NEBL: variants seen among roughly 807,000 people sequenced by gnomAD.
The protein encoded by NEBL is LIM and SH3 protein 2.
NEBL carries 122 observed loss-of-function variants against 140.2 expected under a neutral mutation model. That is an observed-to-expected ratio of 0.87 (90% CI 0.75 to 1.01). NEBL has a LOEUF of 1.01. NEBL is among the 50% of genes least tolerant of loss of function. The probability of loss-of-function intolerance (pLI) is 0.00; values close to 1 mark genes in which losing one functional copy is unlikely to be tolerated. For missense variants in NEBL, 1,365 were observed against 1,231.3 expected, an observed-to-expected ratio of 1.11 and a Z score of -1.62; for synonymous variants, 436 against 398.9, an observed-to-expected ratio of 1.09 and a Z score of -1.11.
intron 2 of NEBL, among the ~76,000 whole-genome samples, chr10:21,119,966 C>G (rs1838457536): frequency 6.6e-6 from 1 of 152,036 alleles, no homozygotes; most frequent in South Asian, 2.1e-4. Context: ...CTAATTGTTT[C>G]CTCATGATTC....
In NEBL at chr10:20,812,771, A is replaced by C; in HGVS notation, c.2516T>G (p.Val839Gly). The change falls in exon 24 of 28, where the codon GTT (valine) becomes GGT (glycine). Residue 839 changes from valine (V) to glycine (G), a missense_variant and splice_region_variant. Around this residue, in one of 2 missense-constraint regions of NEBL, gnomAD observed 1,323 missense variants for 1,154.8 expected, o/e 1.15. Coordinates refer to ENST00000377122, the MANE Select transcript of NEBL (RefSeq NM_006393.3). Reference protein sequence around the residue: ...VEMDRRPGIIVDLKVWRTDPG... With the variant: ...VEMDRRPGIIGDLKVWRTDPG... ...GCCGACAAACGCCGTCAGCTTACCA[A>C]CAATGATTCCAGGTCTCCTGTCCAT... 1 of 1,613,862 alleles carries C rather than the reference A, an allele frequency of 6.2e-7. No homozygotes were observed. Among genetic ancestry groups the C allele is most frequent in the Non-Finnish European group, 8.5e-7 (1 of 1,179,888 alleles).
At position 21,242,619 on chromosome 10, in the gene NEBL, A is replaced by T. The variant is rs186457924; in HGVS notation, n.348+5302T>A. On this transcript the variant is annotated intron_variant and non_coding_transcript_variant, in intron 3 of 8. Transcript: ENST00000675702. ...CTGAGCCTAAAATAAAAGTTTTTTT[A>T]AAAAAAAGAAACATCCTGCTGTACT... Among the ~76,000 whole-genome samples the T allele has an allele frequency of 4.8e-3, 727 of 152,150 alleles. 4 individuals carry two copies. Among genetic ancestry groups the T allele is most frequent in the African/African-American group, 0.014 (579 of 41,524 alleles).
chr10:21,040,386 C>A lies in NEBL; in HGVS notation c.165-20185G>T, dbSNP rs998279685. On this transcript the variant is annotated intron_variant, in intron 2 of 6. Coordinates refer to the NEBL transcript ENST00000417816. ...TTTATTTGGCTGACAGTTCTGCAAA[C>A]TGCACAGGGTGCATGGCACCAGCAT... Among the ~76,000 whole-genome samples the A allele has an allele frequency of 2.6e-5, 4 of 152,246 alleles. No homozygotes were observed. In the South Asian group the frequency reaches 8.3e-4, roughly 32 times the overall value.
chr10:21,143,005 G>A (rs189200062), intron 2 of NEBL, among the ~76,000 whole-genome samples: 78 of 152,300 alleles, frequency 5.1e-4, no homozygotes, highest in African/African-American at 1.9e-3. Flanking sequence ...TGGGGTGTGT[G>A]TGTGTGTGGG....
At chr10:21,106,262 A>G (rs542905851) in intron 2 of NEBL, among the ~76,000 whole-genome samples, 1 of 152,320 alleles carries the variant, frequency 6.6e-6, no homozygotes, top group South Asian at 2.1e-4. Context: ...GTCTTTGCCC[A>G]TGCCTATGTC....
chr10:21,258,612 G>A (rs901046262), intron 1 of NEBL, among the ~76,000 whole-genome samples: 21 of 152,194 alleles, frequency 1.4e-4, no homozygotes, highest in African/African-American at 5.1e-4. Flanking sequence ...GGCTGAGGCA[G>A]CAGAATCGCT....
chr10:20,828,779 G>C, intron 16 of NEBL, 145 bp from the exon 17 acceptor site: 1 of 633,590 alleles, frequency 1.6e-6, no homozygotes, highest in Admixed American at 2.3e-5. Flanking sequence ...GAGAGAGAGA[G>C]AGAGGTGGAG....
intron 1 of NEBL, among the ~76,000 whole-genome samples, chr10:21,264,696 TAAAA>T (rs71392177): frequency 0.012 from 365 of 30,518 alleles, no homozygotes; most frequent in Non-Finnish European, 0.013. Context: ...AGTTGCTATT[TAAAA>T]AAAAAAAAAA....
chr10:21,107,518 C>G (rs969576225), intron 2 of NEBL, among the ~76,000 whole-genome samples: 1 of 152,100 alleles, frequency 6.6e-6, no homozygotes, highest in African/African-American at 2.4e-5. Flanking sequence ...GGGATGAAGC[C>G]GACTTGATCA....
chr10:21,093,618 T>C (rs1466721369), intron 2 of NEBL, among the ~76,000 whole-genome samples: 3 of 152,202 alleles, frequency 2.0e-5, no homozygotes, highest in Non-Finnish European at 4.4e-5. Context: ...TTTTAAGTGC[T>C]TTCTTCAAGA....
intron 3 of NEBL, among the ~76,000 whole-genome samples, chr10:21,180,942 T>C (rs1478975093): frequency 2.0e-5 from 3 of 152,064 alleles, no homozygotes; most frequent in Admixed American, 6.6e-5. Context: ...CTGGGACCTC[T>C]GCACTGTATT....
At chr10:20,870,054 C>T (rs570490863) in intron 5 of NEBL, among the ~76,000 whole-genome samples, 1 of 151,904 alleles carries the variant, frequency 6.6e-6, no homozygotes, top group Admixed American at 6.6e-5. Context: ...GGGCCAGGCA[C>T]AGTGGCTCAC....
intron 2 of NEBL, among the ~76,000 whole-genome samples, chr10:20,893,073 C>T (rs1229661769): frequency 2.6e-5 from 4 of 152,226 alleles, no homozygotes; most frequent in South Asian, 2.1e-4. Context: ...CTTCCTGCTG[C>T]CATGCAGATG....
intron 2 of NEBL, among the ~76,000 whole-genome samples, chr10:21,035,420 C>T (rs750094413): frequency 1.1e-4 from 16 of 151,996 alleles, no homozygotes; most frequent in Non-Finnish European, 2.4e-4. Flanking sequence ...TACTGTGACC[C>T]CGACTATTCT....
intron 3 of NEBL, among the ~76,000 whole-genome samples, chr10:21,247,193 T>C (rs1436666610): frequency 6.6e-6 from 1 of 152,188 alleles, no homozygotes; most frequent in Non-Finnish European, 1.5e-5. Flanking sequence ...TAAACCTCTT[T>C]CCTTCATAAA....
intron 3 of NEBL, among the ~76,000 whole-genome samples, chr10:20,983,048 C>G (rs1264634341): frequency 1.3e-5 from 2 of 152,084 alleles, no homozygotes; most frequent in African/African-American, 4.8e-5. Flanking sequence ...GTACCCTAAC[C>G]CTTGGGAACC....
intron 2 of NEBL, among the ~76,000 whole-genome samples, chr10:21,100,523 C>T (rs1053172220): frequency 6.6e-6 from 1 of 152,144 alleles, no homozygotes; most frequent in Non-Finnish European, 1.5e-5. Flanking sequence ...TCCAGTTTCC[C>T]GTGAACCCTG....
chr10:21,152,390 T>C (rs933711359), intron 2 of NEBL, among the ~76,000 whole-genome samples: 1 of 152,182 alleles, frequency 6.6e-6, no homozygotes, highest in Non-Finnish European at 1.5e-5. Context: ...AGTTATACAA[T>C]GCCCCTGGGC....
intron 2 of NEBL, among the ~76,000 whole-genome samples, chr10:21,095,223 C>G (rs2581617): frequency 0.87 from 132,527 of 152,214 alleles, 57,908 homozygotes; most frequent in Middle Eastern, 0.93. Context: ...TGAAAGCTGA[C>G]CCTCACAAAA....
Sources: gnomAD v4.1 joint callset for allele counts (sites outside exome capture counted in the v4.1 genomes callset) on GRCh38, gnomAD v4.1.1 for gene constraint, gnomAD v4.1.1 regional missense constraint, MANE v1.5 for transcripts, NCBI Gene and HGNC (gene_info 2026-07-23, HGNC 2026-07-21) for gene names.